Variants in CRY1 observed in about 807,000 individuals in gnomAD.
The protein encoded by CRY1 is cryptochrome-1.
In CRY1, 45 loss-of-function variants were observed where a neutral mutation model predicts 76.0. That is an observed-to-expected ratio of 0.59 (90% CI 0.47 to 0.76). CRY1 has a LOEUF of 0.76. CRY1 is among the 30% of genes least tolerant of loss of function. CRY1 has a pLI of 0.00. For synonymous variants in CRY1, 248 were observed against 244.0 expected (o/e 1.02, Z -0.15); for missense variants, 587 against 716.4 (o/e 0.82, Z 2.06).
At chr12:107,061,533 C>T (rs1407834797) in intron 1 of CRY1, among the ~76,000 whole-genome samples, 1 of 152,056 alleles carries the variant, frequency 6.6e-6, no homozygotes, top group African/African-American at 2.4e-5. Flanking sequence ...GCATCCACCA[C>T]CACGCCCGGC....
chr12:107,001,666 G>A (rs1253351503), intron 4 of CRY1, 98 bp downstream of exon 4: 4 of 1,122,460 alleles, frequency 3.6e-6, no homozygotes, highest in Non-Finnish European at 5.0e-6. Context: ...CTCTCCTAAT[G>A]CAAAATACTT....
Position 107,093,356 on chromosome 12 carries a change from C to G in CRY1, c.-395G>C, listed in dbSNP as rs928133521. 4 of 180,282 alleles carry G rather than the reference C, an allele frequency of 2.2e-5. No homozygotes were observed. Among genetic ancestry groups the G allele is most frequent in the Non-Finnish European group, 4.6e-5 (4 of 86,714 alleles). 11.2% of individuals were successfully genotyped at this position (180,282 alleles called of 1,614,324 possible). ...ATTCGTCACGGAAACCTCGCCCCACCAAGGCGGCCCCTAAAGACAAAACGG... is the reference window on the plus strand; with the variant it reads ...ATTCGTCACGGAAACCTCGCCCCACGAAGGCGGCCCCTAAAGACAAAACGG... On this transcript the variant is annotated 5_prime_UTR_variant, in exon 1 of 13. Coordinates refer to ENST00000008527, the MANE Select transcript of CRY1 (RefSeq NM_004075.5).
At chr12:107,051,387 C>G (rs1021106127) in intron 1 of CRY1, among the ~76,000 whole-genome samples, 1 of 152,022 alleles carries the variant, frequency 6.6e-6, no homozygotes, top group African/African-American at 2.4e-5. Context: ...CAATAAAATG[C>G]AGAAAATTGT....
intron 1 of CRY1, among the ~76,000 whole-genome samples, chr12:107,036,644 G>C (rs1952736300): frequency 6.6e-6 from 1 of 151,500 alleles, no homozygotes; most frequent in Admixed American, 6.6e-5. Flanking sequence ...ACGAACCCGG[G>C]CAACCAATAC....
intron 1 of CRY1, among the ~76,000 whole-genome samples, chr12:107,083,788 AG>A (rs1457563727): frequency 6.6e-6 from 1 of 152,186 alleles, no homozygotes; most frequent in Admixed American, 6.5e-5. Flanking sequence ...GCACAAAACA[AG>A]GATGCCCTCT....
intron 1 of CRY1, among the ~76,000 whole-genome samples, chr12:107,054,289 G>A (rs1207086151): frequency 6.6e-6 from 1 of 151,944 alleles, no homozygotes; most frequent in Non-Finnish European, 1.5e-5. Context: ...ATTAACTTTA[G>A]ACATTAACCA....
chr12:107,033,529 T>C (rs1457522591), intron 1 of CRY1, among the ~76,000 whole-genome samples: 6 of 152,262 alleles, frequency 3.9e-5, no homozygotes, highest in Admixed American at 2.6e-4. Context: ...ATACAAAACA[T>C]ATTATATATC....
At chr12:107,082,821 A>G (rs1205961977) in intron 1 of CRY1, among the ~76,000 whole-genome samples, 1 of 152,222 alleles carries the variant, frequency 6.6e-6, no homozygotes, top group Non-Finnish European at 1.5e-5. Context: ...AAAAGCTAGC[A>G]GAAGACAAGA....
At chr12:107,089,626 A>G (rs1953445455) in intron 1 of CRY1, among the ~76,000 whole-genome samples, 1 of 152,188 alleles carries the variant, frequency 6.6e-6, no homozygotes, top group Admixed American at 6.5e-5. Flanking sequence ...GTTAAATCCA[A>G]AAGTCTAAAA....
intron 3 of CRY1, among the ~76,000 whole-genome samples, chr12:107,004,172 CT>C (rs1472823545): frequency 6.6e-6 from 1 of 152,112 alleles, no homozygotes; most frequent in Non-Finnish European, 1.5e-5. Context: ...GTGTTGCCCC[CT>C]CCTTGCTATG....
chr12:107,050,745 A>C (rs922960068), intron 1 of CRY1, among the ~76,000 whole-genome samples: 1 of 152,216 alleles, frequency 6.6e-6, no homozygotes, highest in Non-Finnish European at 1.5e-5. Flanking sequence ...GAAAGGACAG[A>C]CCTTTGTAAG....
chr12:107,048,256 A>AT (rs965708617), intron 1 of CRY1, among the ~76,000 whole-genome samples: 87 of 152,120 alleles, frequency 5.7e-4, no homozygotes, highest in African/African-American at 2.0e-3. Flanking sequence ...AACTTTTTGT[A>AT]TTTTTAGTAG....
At chr12:107,046,123 C>G (rs1311082924) in intron 1 of CRY1, among the ~76,000 whole-genome samples, 1 of 105,160 alleles carries the variant, frequency 9.5e-6, no homozygotes, top group Non-Finnish European at 2.1e-5. Flanking sequence ...AAGACTCTGT[C>G]TTAAAAAAAA....
intron 10 of CRY1, 111 bp from the exon 11 acceptor site, chr12:106,993,147 C>CT: frequency 1.1e-6 from 1 of 936,668 alleles, no homozygotes; most frequent in African/African-American, 1.7e-5. Flanking sequence ...CATTTATATG[C>CT]TTTTAAGACT....
At chr12:107,008,750 G>A (rs141428172) in intron 2 of CRY1, among the ~76,000 whole-genome samples, 64 of 152,212 alleles carry the variant, frequency 4.2e-4, no homozygotes, top group Non-Finnish European at 6.5e-4. Flanking sequence ...GTCATGGGAG[G>A]GACCCAGTGG....
chr12:107,059,089 T>C (rs1335314557), intron 1 of CRY1, among the ~76,000 whole-genome samples: 1 of 152,202 alleles, frequency 6.6e-6, no homozygotes, highest in Non-Finnish European at 1.5e-5. Context: ...CCAGTGCAAC[T>C]AACATGTATG....
chr12:106,997,607 G>A lies in CRY1; in HGVS notation c.1373C>T (p.Ala458Val), dbSNP rs1301052149. 2 of 1,614,004 alleles carry A rather than the reference G, an allele frequency of 1.2e-6. No individual in the cohort carries two copies. Among genetic ancestry groups the A allele is most frequent in the South Asian group, 2.2e-5 (2 of 91,078 alleles). Reference protein sequence around the residue: ...WNAPEGIQKVAKCLIGVNYPK... With the variant: ...WNAPEGIQKVVKCLIGVNYPK... The stretch of plus-strand genomic sequence containing the variant: ...ATAATTAACTCCTATCAAACATTTG[G>A]CTACCTTTTGGATACCTTCTGGTGC... The change falls in exon 9 of 13, where the codon GCC becomes GTC. Residue 458 changes from alanine (A) to valine (V), a missense_variant. Transcript: ENST00000008527.
intron 1 of CRY1, 39 bp downstream of exon 1, chr12:107,092,765 T>G (rs1235484500): frequency 6.2e-7 from 1 of 1,608,244 alleles, no homozygotes; most frequent in Admixed American, 1.7e-5. Context: ...TCAGACTCAT[T>G]AAACACCCAA....
intron 2 of CRY1, among the ~76,000 whole-genome samples, chr12:107,008,452 A>G (rs980657686): frequency 6.6e-6 from 1 of 152,168 alleles, no homozygotes; most frequent in African/African-American, 2.4e-5. Flanking sequence ...ACTATTAGGG[A>G]AAAAAATGCT....
Sources: allele counts gnomAD v4.1 joint callset (sites outside exome capture counted in the v4.1 genomes callset), GRCh38; gene constraint gnomAD v4.1.1; transcripts MANE v1.5; gene names NCBI Gene and HGNC (gene_info 2026-07-23, HGNC 2026-07-21).